The following ADGB variants were observed in gnomAD, a reference collection of about 807,000 sequenced individuals.
The protein encoded by ADGB is androglobin, also known as calpain-7-like protein.
In ADGB, 172 loss-of-function variants were observed where a neutral mutation model predicts 210.5. The observed-to-expected ratio is 0.82, with a 90% confidence interval of 0.72 to 0.93. The LOEUF is 0.93. ADGB is among the 40% of genes least tolerant of loss of function. The probability of loss-of-function intolerance (pLI) is 0.00; values close to 1 mark genes in which losing one functional copy is unlikely to be tolerated. For missense variants in ADGB, 2,025 were observed against 1,964.8 expected, an observed-to-expected ratio of 1.03 and a Z score of -0.58; for synonymous variants, 658 against 662.7, an observed-to-expected ratio of 0.99 and a Z score of 0.11.
At chr6:146,811,638 C>T (rs550195482) in intron 35 of ADGB, among the ~76,000 whole-genome samples, 1 of 152,008 alleles carries the variant, frequency 6.6e-6, no homozygotes, top group Admixed American at 6.6e-5. Context: ...TTTTCACTTG[C>T]TTTCTTCTTC....
At chr6:146,729,045 G>A (rs1012189377) in intron 20 of ADGB, among the ~76,000 whole-genome samples, 1 of 152,210 alleles carries the variant, frequency 6.6e-6, no homozygotes, top group Non-Finnish European at 1.5e-5. Flanking sequence ...AGGGCAAGAT[G>A]GTGGTGCTTC....
chr6:146,673,838 C>T (rs1019671793), intron 8 of ADGB, among the ~76,000 whole-genome samples: 7 of 152,112 alleles, frequency 4.6e-5, no homozygotes, highest in Non-Finnish European at 8.8e-5. Flanking sequence ...TGGTGATATA[C>T]ACTTGGGAGT....
intron 1 of ADGB, among the ~76,000 whole-genome samples, chr6:146,611,584 G>T (rs1262266164): frequency 2.0e-5 from 3 of 152,158 alleles, no homozygotes; most frequent in African/African-American, 7.2e-5. Flanking sequence ...CCCAGTAGCT[G>T]CTCAGGGCCA....
chr6:146,657,068 G>A (rs375439631), intron 5 of ADGB, 88 bp downstream of exon 5: 5 of 1,237,980 alleles, frequency 4.0e-6, no homozygotes, highest in Admixed American at 4.5e-5. Flanking sequence ...GCCTGTAATC[G>A]CAGCACTTTG....
intron 28 of ADGB, 41 bp downstream of exon 28, chr6:146,764,141 C>G (rs1288182999): frequency 6.8e-7 from 1 of 1,460,086 alleles, no homozygotes; most frequent in South Asian, 1.3e-5. Flanking sequence ...GTTCCTAAAA[C>G]CCTAACATAA....
At chr6:146,779,712 G>A (rs1208212212) in intron 29 of ADGB, among the ~76,000 whole-genome samples, 1 of 151,402 alleles carries the variant, frequency 6.6e-6, no homozygotes, top group Non-Finnish European at 1.5e-5. Context: ...ACCCAGAAAA[G>A]CTGTCATTCA....
At chr6:146,710,573 A>G (rs1776644169) in intron 13 of ADGB, among the ~76,000 whole-genome samples, 1 of 152,158 alleles carries the variant, frequency 6.6e-6, no homozygotes, top group Non-Finnish European at 1.5e-5. Context: ...ATGTGATGGT[A>G]TAAGATACTC....
chr6:146,751,731 A>G (rs373455321), intron 26 of ADGB, among the ~76,000 whole-genome samples: 1 of 152,052 alleles, frequency 6.6e-6, no homozygotes, highest in African/African-American at 2.4e-5. Context: ...ATGATCAGTG[A>G]TGTTGAGCTA....
intron 11 of ADGB, among the ~76,000 whole-genome samples, chr6:146,691,671 T>G (rs770197987): frequency 6.8e-6 from 1 of 147,954 alleles, no homozygotes; most frequent in Non-Finnish European, 1.5e-5. Context: ...ATGCCAAAAT[T>G]TTATGTCTTT....
rs1777537836 is a variant in ADGB at position 146,763,956 on chromosome 6, T to C, written c.3606T>C (p.Tyr1202=). 6.4e-7 allele frequency: 1 copy of C among 1,551,470 alleles called. No individual in the cohort carries two copies. The change falls in exon 28 of 36, where the codon TAT becomes TAC. Residue 1202 remains tyrosine, a synonymous_variant. Transcript: ENST00000397944. Reference sequence around the variant, plus strand: ...CATCCAAGAAAGAGCAAGAAGTGTATGTTAAGAAGAAAGCTGCTCAGGGAA... The same window carrying C: ...CATCCAAGAAAGAGCAAGAAGTGTACGTTAAGAAGAAAGCTGCTCAGGGAA... ...HSASKKEQEV[Y]VKKKAAQGIQ...
At chr6:146,767,594 G>A (rs776137468) in intron 28 of ADGB, among the ~76,000 whole-genome samples, 1 of 152,026 alleles carries the variant, frequency 6.6e-6, no homozygotes, top group African/African-American at 2.4e-5. Context: ...TCAGCCTCTG[G>A]AGTAGCTGGG....
chr6:146,808,819 G>C (rs1170000608), intron 35 of ADGB, among the ~76,000 whole-genome samples: 1 of 151,658 alleles, frequency 6.6e-6, no homozygotes, highest in Non-Finnish European at 1.5e-5. Context: ...TTTTTTTTGA[G>C]ATGGAGTTTC....
intron 33 of ADGB, among the ~76,000 whole-genome samples, chr6:146,795,094 A>T (rs1434336683): frequency 6.6e-6 from 1 of 152,232 alleles, no homozygotes; most frequent in Non-Finnish European, 1.5e-5. Context: ...CATTACAAAC[A>T]TCATTAGCTG....
intron 35 of ADGB, among the ~76,000 whole-genome samples, 160 bp from the exon 36 acceptor site, chr6:146,814,872 T>C (rs1284934861): frequency 1.3e-5 from 2 of 152,242 alleles, no homozygotes. Flanking sequence ...TTTTGTGTAC[T>C]GATAAGCTGT....
At chr6:146,759,535 A>G (rs1162850297) in intron 27 of ADGB, among the ~76,000 whole-genome samples, 10 of 151,766 alleles carry the variant, frequency 6.6e-5, no homozygotes, top group Non-Finnish European at 1.5e-4. Flanking sequence ...TTTATTTCAT[A>G]TGGTTATATT....
chr6:146,804,457 C>T (rs9377026), intron 35 of ADGB, among the ~76,000 whole-genome samples: 68,487 of 151,738 alleles, frequency 0.45, 17,974 homozygotes, highest in African/African-American at 0.72. Flanking sequence ...TGCTTGCCCT[C>T]CTTCCCATCT....
At chr6:146,786,328 C>G (rs931067100) in intron 32 of ADGB, among the ~76,000 whole-genome samples, 2 of 151,566 alleles carry the variant, frequency 1.3e-5, no homozygotes, top group East Asian at 3.9e-4. Flanking sequence ...CTTCATAATG[C>G]CAGTGTCTTC....
At chr6:146,802,120 A>G (rs926674527) in intron 35 of ADGB, 109 bp downstream of exon 35, 2 of 764,942 alleles carry the variant, frequency 2.6e-6, no homozygotes, top group South Asian at 7.8e-5. Context: ...TCTTGAAAAC[A>G]TAGGTTTCTA....
chr6:146,746,009 G>C lies in ADGB; in HGVS notation c.3265G>C (p.Ala1089Pro), dbSNP rs1374007446. 3 of 1,551,178 alleles carry C rather than the reference G, an allele frequency of 1.9e-6. No individual in the cohort carries two copies. Among genetic ancestry groups the C allele is most frequent in the Non-Finnish European group, 2.6e-6 (3 of 1,146,798 alleles). The change falls in exon 26 of 36, where the codon GCT becomes CCT. Residue 1089 changes from alanine to proline, a missense_variant. Ala to Pro is a conservative substitution (Grantham distance 27, BLOSUM62 -1). Transcript: ENST00000397944. ...RWKLRLIGSS[A>P]PLPCLSRDSP... Reference sequence around the variant, plus strand: ...GAAACTGCGTCTCATCGGTTCTTCTGCTCCACTGCCATGCCTCTCTCGAGA... The same window carrying C: ...GAAACTGCGTCTCATCGGTTCTTCTCCTCCACTGCCATGCCTCTCTCGAGA...
Sources: allele counts gnomAD v4.1 joint callset (sites outside exome capture counted in the v4.1 genomes callset), GRCh38; gene constraint gnomAD v4.1.1; transcripts MANE v1.5; gene names NCBI Gene and HGNC (gene_info 2026-07-23, HGNC 2026-07-21).